PKD2L2: variants seen among roughly 807,000 people sequenced by gnomAD.
PKD2L2 encodes the protein polycystin-2-like protein 2.
A neutral mutation model predicts 83.9 loss-of-function variants in PKD2L2; 67 were observed. That is an observed-to-expected ratio of 0.80 (90% CI 0.66 to 0.98). The LOEUF (loss-of-function observed/expected upper bound fraction) is 0.98. Among genes scored for constraint, PKD2L2 ranks in the 50% least tolerant of loss-of-function variants. The pLI is 0.00. For synonymous variants in PKD2L2, 223 were observed against 237.8 expected (o/e 0.94, Z 0.57); for missense variants, 632 against 717.2 (o/e 0.88, Z 1.36).
intron 14 of PKD2L2, among the ~76,000 whole-genome samples, chr5:137,941,675 G>A (rs562989170): frequency 6.6e-6 from 1 of 152,322 alleles, no homozygotes; most frequent in South Asian, 2.1e-4. Context: ...GGGTAAGGAT[G>A]TAGAATTAAA....
At position 137,918,969 on chromosome 5, in the gene PKD2L2, A is replaced by T. The variant is rs199748213; in HGVS notation, c.1329-2667A>T. Among the ~76,000 whole-genome samples, 694 of 131,728 alleles carry T rather than the reference A, an allele frequency of 5.3e-3. 4 individuals carry two copies. The highest frequency in any genetic ancestry group is 9.1e-3 in the African/African-American group (336 of 36,982). 86.4% of individuals were successfully genotyped at this position (131,728 alleles called of 152,430 possible). On this transcript the variant is annotated intron_variant, in intron 8 of 14. Transcript: ENST00000508883. ...ATGTGTGTGTGTGTGTGTGTGTGTG[A>T]GTGTGTGTGTGTGTGTGTAGGGAGA...
chr5:137,918,230 C>T (rs1165544085), intron 8 of PKD2L2, among the ~76,000 whole-genome samples: 2 of 152,174 alleles, frequency 1.3e-5, no homozygotes, highest in African/African-American at 4.8e-5. Flanking sequence ...AAGGTCTTCT[C>T]AGGTTTTCCT....
intron 14 of PKD2L2, among the ~76,000 whole-genome samples, chr5:137,941,735 AAT>A (rs1761906447): frequency 6.6e-6 from 1 of 152,242 alleles, no homozygotes. Flanking sequence ...ACAATCCGAA[AAT>A]AGTTAATCAG....
At chr5:137,942,200 G>C (rs1762058551) in intron 14 of PKD2L2, among the ~76,000 whole-genome samples, 184 bp from the exon 15 acceptor site, 1 of 152,210 alleles carries the variant, frequency 6.6e-6, no homozygotes, top group Non-Finnish European at 1.5e-5. Context: ...CAGAATAGCT[G>C]AAGGACTCAA....
intron 13 of PKD2L2, 102 bp downstream of exon 13, chr5:137,936,011 T>C (rs1030365558): frequency 2.8e-6 from 2 of 719,696 alleles, no homozygotes; most frequent in Admixed American, 2.4e-5. Flanking sequence ...CTTTACTCTA[T>C]TAGGATGCCT....
At chr5:137,928,265 G>A (rs912304469) in intron 12 of PKD2L2, among the ~76,000 whole-genome samples, 3 of 149,978 alleles carry the variant, frequency 2.0e-5, no homozygotes, top group African/African-American at 7.4e-5. Context: ...GAGATGACTG[G>A]AGAGGCTGGG....
chr5:137,930,353 ACT>A (rs932997565), intron 12 of PKD2L2, among the ~76,000 whole-genome samples: 49 of 152,066 alleles, frequency 3.2e-4, no homozygotes, highest in African/African-American at 1.1e-3. Context: ...AAATATCAAA[ACT>A]CTCTATTAAA....
chr5:137,928,846 A>G (rs1759601258), intron 12 of PKD2L2, among the ~76,000 whole-genome samples: 1 of 152,192 alleles, frequency 6.6e-6, no homozygotes, highest in East Asian at 1.9e-4. Flanking sequence ...TTGGGATTAC[A>G]GGCATGAGCG....
At chr5:137,926,309 T>C (rs1324549519) in intron 12 of PKD2L2, among the ~76,000 whole-genome samples, 3 of 151,808 alleles carry the variant, frequency 2.0e-5, no homozygotes, top group Non-Finnish European at 4.4e-5. Flanking sequence ...TATCTGACAA[T>C]AGCAGAATTT....
At chr5:137,940,101 C>T in intron 14 of PKD2L2, 2 of 1,614,124 alleles carry the variant, frequency 1.2e-6, no homozygotes, top group South Asian at 2.2e-5. Context: ...GGCACCACAA[C>T]CAAGTACAAA....
intron 8 of PKD2L2, among the ~76,000 whole-genome samples, chr5:137,916,050 T>A (rs1202428920): frequency 6.6e-6 from 1 of 151,548 alleles, no homozygotes; most frequent in African/African-American, 2.4e-5. Context: ...TTCTTTTTTT[T>A]AAGAGATGGA....
intron 12 of PKD2L2, among the ~76,000 whole-genome samples, chr5:137,930,108 A>G (rs967716836): frequency 5.3e-5 from 8 of 152,198 alleles, no homozygotes; most frequent in African/African-American, 1.7e-4. Flanking sequence ...CAAACGGATT[A>G]AAAAGCCCAA....
intron 8 of PKD2L2, among the ~76,000 whole-genome samples, chr5:137,914,883 C>T (rs1229029005): frequency 6.6e-6 from 1 of 152,112 alleles, no homozygotes; most frequent in African/African-American, 2.4e-5. Flanking sequence ...TTAAGATAAT[C>T]ATATGGTTTT....
At chr5:137,917,145 G>T (rs1758435798) in intron 8 of PKD2L2, among the ~76,000 whole-genome samples, 1 of 148,482 alleles carries the variant, frequency 6.7e-6, no homozygotes. Context: ...CAGGTCTCTT[G>T]GTATCTGTTC....
At chr5:137,897,985 GAGAC>G (rs763740018) in intron 4 of PKD2L2, among the ~76,000 whole-genome samples, 2 of 120,100 alleles carry the variant, frequency 1.7e-5, no homozygotes, top group Non-Finnish European at 1.8e-5. Flanking sequence ...TTTTTTTTTT[GAGAC>G]AGAGTCTCAC....
intron 10 of PKD2L2, among the ~76,000 whole-genome samples, chr5:137,924,490 T>C (rs964378341): frequency 6.6e-6 from 1 of 152,216 alleles, no homozygotes; most frequent in African/African-American, 2.4e-5. Flanking sequence ...CTACCTCAGT[T>C]TGAGCTGTAG....
chr5:137,933,050 CA>C (rs34015851), intron 12 of PKD2L2, among the ~76,000 whole-genome samples: 76 of 122,690 alleles, frequency 6.2e-4, no homozygotes, highest in South Asian at 1.3e-3. Flanking sequence ...CAAAACAAAC[CA>C]AAAAAAAAAA....
At chr5:137,922,973 C>T (rs919220941) in intron 9 of PKD2L2, among the ~76,000 whole-genome samples, 22 of 151,038 alleles carry the variant, frequency 1.5e-4, no homozygotes, top group African/African-American at 5.4e-4. Context: ...ATATGGGTTA[C>T]TTTTAAAATT....
chr5:137,899,778 G>A (rs1756798750), intron 5 of PKD2L2, 41 bp downstream of exon 5: 1 of 1,178,432 alleles, frequency 8.5e-7, no homozygotes, highest in African/African-American at 1.5e-5. Context: ...AGTGGTCAAT[G>A]GCCTACAAAA....
Sources: allele counts gnomAD v4.1 joint callset (sites outside exome capture counted in the v4.1 genomes callset), GRCh38; gene constraint gnomAD v4.1.1; transcripts MANE v1.5; gene names NCBI Gene and HGNC (gene_info 2026-07-23, HGNC 2026-07-21).